Variants in JPT1 observed in about 807,000 individuals in gnomAD.
The protein encoded by JPT1 is Jupiter microtubule associated homolog 1, also known as androgen-regulated protein 2.
In JPT1, 5 loss-of-function variants were observed where a neutral mutation model predicts 17.0. The ratio of observed to expected loss-of-function variants is 0.29; its 90% confidence interval spans 0.15 to 0.62. The LOEUF is 0.62. Ranked by LOEUF, JPT1 falls within the 20% of genes least tolerant of loss-of-function variation. JPT1 has a pLI of 0.85. For synonymous variants in JPT1, 71 were observed against 73.6 expected (o/e 0.96, Z 0.18); for missense variants, 158 against 188.1 (o/e 0.84, Z 0.94).
intron 3 of JPT1, chr17:75,146,906 A>G (rs1406554412): frequency 8.3e-6 from 4 of 479,828 alleles, no homozygotes; most frequent in Admixed American, 3.8e-5. Context: ...CACGTCTACA[A>G]CAAACCCCAA....
chr17:75,140,030 G>A (rs2074278454), intron 4 of JPT1, among the ~76,000 whole-genome samples: 1 of 152,030 alleles, frequency 6.6e-6, no homozygotes, highest in African/African-American at 2.4e-5. Context: ...CGATTCTCCT[G>A]CCTCAGCCTC....
At chr17:75,144,472 A>T (rs1568032650) in intron 4 of JPT1, among the ~76,000 whole-genome samples, 1 of 152,176 alleles carries the variant, frequency 6.6e-6, no homozygotes, top group Non-Finnish European at 1.5e-5. Context: ...TGAGGGTGAC[A>T]CTGCACTCCA....
intron 4 of JPT1, among the ~76,000 whole-genome samples, chr17:75,142,572 G>GGGGAGAGGGA (rs1297611312): frequency 2.5e-5 from 3 of 117,918 alleles, no homozygotes; most frequent in Admixed American, 1.7e-4. Context: ...GGGGAGGGGA[G>GGGGAGAGGGA]GGGAGAGGGA....
chr17:75,141,979 G>A (rs1295555075), intron 4 of JPT1, among the ~76,000 whole-genome samples: 1 of 151,972 alleles, frequency 6.6e-6, no homozygotes, highest in Non-Finnish European at 1.5e-5. Flanking sequence ...TAAGGCGGGA[G>A]AATCGCTTGA....
intron 4 of JPT1, chr17:75,145,179 A>C (rs1005624136): frequency 6.8e-6 from 1 of 147,876 alleles, no homozygotes; most frequent in Non-Finnish European, 1.5e-5. Context: ...AAAAAAAAAA[A>C]AAAAAACACA....
At position 75,146,690 on chromosome 17, in the gene JPT1, A is replaced by G. The variant is rs1160258761; in HGVS notation, c.298-6T>C. 2 of 1,531,480 alleles carry G rather than the reference A, an allele frequency of 1.3e-6. No homozygotes were observed. Among genetic ancestry groups the G allele is most frequent in the East Asian group, 2.4e-5 (1 of 41,052 alleles). The allele number at this position is 1,531,480 out of a possible 1,614,324, so 94.9% of individuals were successfully genotyped here. On this transcript the variant is annotated splice_region_variant and splice_polypyrimidine_tract_variant and intron_variant, in intron 3 of 4. Transcript: ENST00000409753. ...CCATGAATATCACCTTCTCCCTAGAAAAGAAAAAAATTCAAAAATTTACTT... is the reference window on the plus strand; with the variant it reads ...CCATGAATATCACCTTCTCCCTAGAGAAGAAAAAAATTCAAAAATTTACTT...
intron 1 of JPT1, among the ~76,000 whole-genome samples, chr17:75,151,696 G>A (rs376524438): frequency 9.2e-5 from 14 of 151,978 alleles, no homozygotes; most frequent in Admixed American, 5.9e-4. Context: ...AAGGCAGGGC[G>A]CAGTGGCTCA....
At chr17:75,149,107 C>G in intron 1 of JPT1, 7 of 1,186,100 alleles carry the variant, frequency 5.9e-6, no homozygotes, top group Non-Finnish European at 7.8e-6. Flanking sequence ...TCCCAGCACC[C>G]TAGGAGGCCA....
chr17:75,146,951 T>A (rs1369405275), intron 3 of JPT1, among the ~76,000 whole-genome samples: 1 of 152,212 alleles, frequency 6.6e-6, no homozygotes. Flanking sequence ...AATTAGCACT[T>A]CAGAGATCTT....
intron 2 of JPT1, 123 bp downstream of exon 2, chr17:75,148,406 C>A: frequency 8.6e-7 from 1 of 1,159,298 alleles, no homozygotes; most frequent in Non-Finnish European, 1.2e-6. Flanking sequence ...CCACTACCAC[C>A]AGCTAATTTT....
At chr17:75,139,564 T>C (rs749162534) in intron 4 of JPT1, among the ~76,000 whole-genome samples, 3 of 152,114 alleles carry the variant, frequency 2.0e-5, no homozygotes, top group Non-Finnish European at 4.4e-5. Flanking sequence ...CTCACACCTG[T>C]AATCCCAGCA....
At chr17:75,150,910 A>G (rs560945537) in intron 1 of JPT1, among the ~76,000 whole-genome samples, 60 of 131,582 alleles carry the variant, frequency 4.6e-4, no homozygotes, top group African/African-American at 1.6e-3. Flanking sequence ...CTGGACTGCA[A>G]TGGTGCGATC....
In JPT1 at chr17:75,147,628, T is replaced by C. The variant is rs2074465126; in HGVS notation, c.225A>G (p.Glu75=). ...TCTGCAGTCCAGATGACTCCAAGTC[T>C]TCCCTGCCACCACTAGACTTGGCAC... The part of the protein sequence containing the change: ...SAGAKSSGGR[E]DLESSGLQRR... Residue 75 remains glutamate, a synonymous_variant, in exon 3 of 5, where the codon GAA becomes GAG. Transcript: ENST00000409753. 1 of 1,613,892 alleles carries C rather than the reference T, an allele frequency of 6.2e-7. No homozygotes were observed. The highest frequency in any genetic ancestry group is 8.5e-7 in the Non-Finnish European group (1 of 1,179,806).
chr17:75,138,821 A>G (rs1032721403), intron 4 of JPT1, among the ~76,000 whole-genome samples: 1 of 152,090 alleles, frequency 6.6e-6, no homozygotes, highest in Non-Finnish European at 1.5e-5. Context: ...ACAGACATTT[A>G]TTTTATTTAT....
At chr17:75,142,757 A>AT (rs1568031428) in intron 4 of JPT1, 1 of 456,162 alleles carries the variant, frequency 2.2e-6, no homozygotes, top group Non-Finnish European at 4.4e-6. Flanking sequence ...AAAAACCTAG[A>AT]TTTTACCTCC....
chr17:75,152,613 G>GTGA (rs1448228733), intron 1 of JPT1, among the ~76,000 whole-genome samples: 1 of 152,202 alleles, frequency 6.6e-6, no homozygotes, highest in Non-Finnish European at 1.5e-5. Flanking sequence ...AAAACTAAGT[G>GTGA]TGAGGATTCA....
intron 1 of JPT1, among the ~76,000 whole-genome samples, chr17:75,151,740 C>T (rs1466176524): frequency 1.3e-5 from 2 of 152,064 alleles, no homozygotes; most frequent in Non-Finnish European, 2.9e-5. Flanking sequence ...GAGGCCGAGG[C>T]GGGCGGATCA....
chr17:75,141,930 G>A (rs1267753466), intron 4 of JPT1, among the ~76,000 whole-genome samples: 1 of 151,552 alleles, frequency 6.6e-6, no homozygotes, highest in East Asian at 2.0e-4. Flanking sequence ...ATAGCCAGCT[G>A]TAGTGGCGCA....
intron 2 of JPT1, among the ~76,000 whole-genome samples, chr17:75,148,147 C>A (rs2074476841): frequency 1.3e-5 from 2 of 152,238 alleles, no homozygotes; most frequent in Admixed American, 1.3e-4. Context: ...TGATCCATCA[C>A]ACAGCCTCTC....
Sources: allele counts gnomAD v4.1 joint callset (sites outside exome capture counted in the v4.1 genomes callset), GRCh38; gene constraint gnomAD v4.1.1; transcripts MANE v1.5; gene names NCBI Gene and HGNC (gene_info 2026-07-23, HGNC 2026-07-21).